Variants in KCNH8 observed in about 807,000 individuals in gnomAD.
KCNH8 encodes the protein potassium voltage-gated channel subfamily H member 8, also known as voltage-gated delayed rectifier potassium channel KCNH8.
A neutral mutation model predicts 103.6 loss-of-function variants in KCNH8; 70 were observed. The observed-to-expected ratio is 0.68, with a 90% confidence interval of 0.56 to 0.82. The LOEUF (loss-of-function observed/expected upper bound fraction) is 0.82, where lower values mean the gene tolerates loss of function less well. Among genes scored for constraint, KCNH8 ranks in the 40% least tolerant of loss-of-function variants. The pLI, the probability that KCNH8 is intolerant of heterozygous loss-of-function variation, is 0.00. For synonymous variants in KCNH8, 498 were observed against 489.4 expected (o/e 1.02, Z -0.23); for missense variants, 1,217 against 1,329.9 (o/e 0.92, Z 1.32).
rs1303081881 is a variant in KCNH8 at position 19,274,338 on chromosome 3, T to C, written c.311-6860T>C. Among the ~76,000 whole-genome samples, 7 of 152,274 alleles carry C rather than the reference T, an allele frequency of 4.6e-5. No individual in the cohort carries two copies. In the South Asian group the frequency reaches 1.2e-3, roughly 27 times the overall value. The stretch of plus-strand genomic sequence containing the variant: ...ATGTTAGCACATAATACACTCTTAA[T>C]AGAATACAGCAATCACTAGGTCCTT... On this transcript the variant is annotated intron_variant, in intron 2 of 15. Transcript: ENST00000328405.
At chr3:19,424,804 A>C (rs895690046) in intron 7 of KCNH8, among the ~76,000 whole-genome samples, 1 of 152,186 alleles carries the variant, frequency 6.6e-6, no homozygotes, top group African/African-American at 2.4e-5. Flanking sequence ...GACCGTTCTC[A>C]AAAGAAGATA....
chr3:19,427,175 G>T (rs1240550419), intron 7 of KCNH8, among the ~76,000 whole-genome samples: 1 of 152,112 alleles, frequency 6.6e-6, no homozygotes, highest in Non-Finnish European at 1.5e-5. Flanking sequence ...TTGGCCCATT[G>T]TTCTGACAGT....
At chr3:19,370,386 C>T (rs966907957) in intron 5 of KCNH8, among the ~76,000 whole-genome samples, 20 of 152,104 alleles carry the variant, frequency 1.3e-4, no homozygotes, top group African/African-American at 4.1e-4. Flanking sequence ...TTATTAGTTT[C>T]GTTTTAATTA....
intron 5 of KCNH8, among the ~76,000 whole-genome samples, chr3:19,355,380 T>G (rs1242239943): frequency 1.3e-5 from 2 of 152,216 alleles, no homozygotes; most frequent in African/African-American, 4.8e-5. Context: ...ATCCCATTAC[T>G]GGGTATATAA....
intron 5 of KCNH8, among the ~76,000 whole-genome samples, chr3:19,350,694 A>T (rs967297385): frequency 6.6e-6 from 1 of 152,152 alleles, no homozygotes; most frequent in Non-Finnish European, 1.5e-5. Context: ...ACTAACAAAC[A>T]GAAAGGACAT....
chr3:19,462,303 G>A (rs1314734341), intron 11 of KCNH8, among the ~76,000 whole-genome samples: 1 of 152,152 alleles, frequency 6.6e-6, no homozygotes, highest in African/African-American at 2.4e-5. Context: ...TCCAACATCT[G>A]TTGTTTCCTG....
At chr3:19,503,993 C>G (rs935846502) in intron 11 of KCNH8, among the ~76,000 whole-genome samples, 1 of 151,880 alleles carries the variant, frequency 6.6e-6, no homozygotes, top group Non-Finnish European at 1.5e-5. Flanking sequence ...CAAAAAGAGA[C>G]ACATAAGTCA....
chr3:19,154,700 C>T (rs963935683), intron 1 of KCNH8, among the ~76,000 whole-genome samples: 1 of 152,206 alleles, frequency 6.6e-6, no homozygotes, highest in Non-Finnish European at 1.5e-5. Context: ...TTTCTCACCA[C>T]ACAGCTGACT....
intron 1 of KCNH8, among the ~76,000 whole-genome samples, chr3:19,197,784 A>C (rs762198445): frequency 2.1e-4 from 32 of 151,728 alleles, no homozygotes; most frequent in Non-Finnish European, 7.4e-5. Flanking sequence ...AGTTGTATAA[A>C]ATTTTACTGT....
intron 11 of KCNH8, among the ~76,000 whole-genome samples, chr3:19,504,625 G>A (rs184256742): frequency 1.2e-4 from 19 of 152,218 alleles, no homozygotes; most frequent in East Asian, 7.7e-4. Flanking sequence ...TCAAAACCAT[G>A]AGATACCATC....
At chr3:19,502,504 A>G (rs947533151) in intron 11 of KCNH8, among the ~76,000 whole-genome samples, 3 of 152,168 alleles carry the variant, frequency 2.0e-5, no homozygotes, top group Non-Finnish European at 2.9e-5. Context: ...GAGGCATCAC[A>G]CTACCTGACT....
chr3:19,353,153 C>G (rs954628824), intron 5 of KCNH8, among the ~76,000 whole-genome samples: 5 of 151,948 alleles, frequency 3.3e-5, no homozygotes, highest in African/African-American at 1.2e-4. Flanking sequence ...ATAAATTCCT[C>G]GACACATACA....
intron 1 of KCNH8, among the ~76,000 whole-genome samples, chr3:19,248,484 A>T (rs1265220786): frequency 6.6e-6 from 1 of 152,192 alleles, no homozygotes; most frequent in Non-Finnish European, 1.5e-5. Flanking sequence ...TTAATGTATA[A>T]TCTCTAGAGA....
At chr3:19,488,788 G>A (rs2068262487) in intron 11 of KCNH8, among the ~76,000 whole-genome samples, 3 of 152,034 alleles carry the variant, frequency 2.0e-5, no homozygotes, top group African/African-American at 7.2e-5. Flanking sequence ...AATCGGCTGG[G>A]ACATGCTACT....
chr3:19,359,509 C>CA (rs1474632748), intron 5 of KCNH8, among the ~76,000 whole-genome samples: 7 of 151,940 alleles, frequency 4.6e-5, no homozygotes, highest in Non-Finnish European at 1.0e-4. Flanking sequence ...ACACCTGATA[C>CA]AATATCGTTT....
At chr3:19,164,449 A>G (rs1214409382) in intron 1 of KCNH8, among the ~76,000 whole-genome samples, 3 of 152,236 alleles carry the variant, frequency 2.0e-5, no homozygotes. Flanking sequence ...AATCTCAACA[A>G]CAATGCAAGT....
chr3:19,258,905 TTCTCTCTC>T (rs755488116), intron 2 of KCNH8, among the ~76,000 whole-genome samples: 471 of 43,032 alleles, frequency 0.011, 6 homozygotes, highest in South Asian at 0.02. Flanking sequence ...TATTTTCTGT[TTCTCTCTC>T]TCTCTCTCTC....
At chr3:19,349,535 C>A (rs1178108748) in intron 5 of KCNH8, among the ~76,000 whole-genome samples, 1 of 152,056 alleles carries the variant, frequency 6.6e-6, no homozygotes, top group Non-Finnish European at 1.5e-5. Context: ...ACAAATACTT[C>A]ATCATCTTAT....
intron 11 of KCNH8, among the ~76,000 whole-genome samples, chr3:19,484,905 T>C (rs185979095): frequency 7.2e-5 from 11 of 152,326 alleles, no homozygotes; most frequent in African/African-American, 1.2e-4. Flanking sequence ...AGGAGGCCTA[T>C]GATACAGTAT....
Sources: allele counts gnomAD v4.1 joint callset (sites outside exome capture counted in the v4.1 genomes callset), GRCh38; gene constraint gnomAD v4.1.1; transcripts MANE v1.5; gene names NCBI Gene and HGNC (gene_info 2026-07-23, HGNC 2026-07-21).